CDH13: variants seen among roughly 807,000 people sequenced by gnomAD.
The protein encoded by CDH13 is cadherin 13, also known as cadherin-13.
Under a neutral mutation model 63.8 loss-of-function variants are expected in CDH13, and 24 were observed. The observed-to-expected ratio is 0.38, with a 90% confidence interval of 0.27 to 0.53. CDH13 has a LOEUF of 0.53. CDH13 is among the 20% of genes least tolerant of loss of function. CDH13 has a pLI of 0.85. For missense variants in CDH13, 1,049 were observed against 903.1 expected, an observed-to-expected ratio of 1.16 and a Z score of -2.07; for synonymous variants, 503 against 355.3, an observed-to-expected ratio of 1.42 and a Z score of -4.67.
intron 8 of CDH13, among the ~76,000 whole-genome samples, chr16:83,636,867 A>G (rs774626587): frequency 6.6e-6 from 1 of 152,196 alleles, no homozygotes; most frequent in African/African-American, 2.4e-5. Context: ...ACTAATCTAC[A>G]TTCCCACCAG....
At chr16:83,470,058 C>T (rs920639075) in intron 6 of CDH13, among the ~76,000 whole-genome samples, 3 of 152,158 alleles carry the variant, frequency 2.0e-5, no homozygotes, top group Admixed American at 6.5e-5. Context: ...ACAAGATATC[C>T]TGCTTCAGAT....
At chr16:83,608,268 A>C (rs1178155260) in intron 8 of CDH13, among the ~76,000 whole-genome samples, 1 of 152,224 alleles carries the variant, frequency 6.6e-6, no homozygotes, top group Non-Finnish European at 1.5e-5. Flanking sequence ...CTCCAGCTGG[A>C]AAATGAGAGA....
chr16:83,331,379 A>G (rs1001175711), intron 5 of CDH13, among the ~76,000 whole-genome samples: 2 of 152,228 alleles, frequency 1.3e-5, no homozygotes, highest in Non-Finnish European at 2.9e-5. Context: ...CACACTCTGT[A>G]TGGTACTATA....
At chr16:82,839,065 A>G (rs1288732187) in intron 1 of CDH13, among the ~76,000 whole-genome samples, 2 of 152,356 alleles carry the variant, frequency 1.3e-5, no homozygotes, top group Admixed American at 1.3e-4. Flanking sequence ...TATTTACAAA[A>G]ACTGACAATA....
intron 2 of CDH13, among the ~76,000 whole-genome samples, chr16:82,896,138 C>T (rs906838839): frequency 1.3e-5 from 2 of 152,066 alleles, no homozygotes; most frequent in African/African-American, 2.4e-5. Flanking sequence ...TTACCTGTTT[C>T]CCTGTAGAAG....
At chr16:83,461,770 G>C (rs571214887) in intron 6 of CDH13, among the ~76,000 whole-genome samples, 1 of 152,318 alleles carries the variant, frequency 6.6e-6, no homozygotes, top group Admixed American at 6.5e-5. Context: ...TAAAAGATCA[G>C]CTTGTAAGTT....
intron 7 of CDH13, among the ~76,000 whole-genome samples, chr16:83,514,213 C>G (rs771353116): frequency 1.3e-5 from 2 of 152,204 alleles, no homozygotes; most frequent in African/African-American, 4.8e-5. Flanking sequence ...ACTTTCTGTA[C>G]TAGGTTGACT....
At chr16:83,147,983 G>A (rs1396788637) in intron 4 of CDH13, among the ~76,000 whole-genome samples, 1 of 152,120 alleles carries the variant, frequency 6.6e-6, no homozygotes, top group Non-Finnish European at 1.5e-5. Flanking sequence ...GCCCAGGCTG[G>A]AGTACAGTGG....
chr16:83,649,415 G>A (rs56276031), intron 8 of CDH13, among the ~76,000 whole-genome samples: 2 of 152,068 alleles, frequency 1.3e-5, no homozygotes, highest in Non-Finnish European at 2.9e-5. Flanking sequence ...GAGGAAATAC[G>A]GGCCCCTCTT....
At chr16:83,242,019 A>G (rs1239222078) in intron 5 of CDH13, among the ~76,000 whole-genome samples, 3 of 152,128 alleles carry the variant, frequency 2.0e-5, no homozygotes, top group African/African-American at 7.2e-5. Context: ...TGTATACGGC[A>G]TGAGGTAAGG....
rs149755194 is a variant in CDH13 at position 83,679,937 on chromosome 16, T to C, written c.1538+1476T>C. Among the ~76,000 whole-genome samples, 1,465 of 152,162 alleles carry C rather than the reference T, an allele frequency of 9.6e-3. 12 individuals are homozygous for C. Among genetic ancestry groups the C allele is most frequent in the Non-Finnish European group, 0.015 (1,011 of 68,000 alleles). ...AGCTAATGCAATGGGTAGGGGTGGATGGAGGTGTCTGGGACCCAGGACTAG... is the reference window on the plus strand; with the variant it reads ...AGCTAATGCAATGGGTAGGGGTGGACGGAGGTGTCTGGGACCCAGGACTAG... On this transcript the variant is annotated intron_variant, in intron 10 of 13. Transcript: ENST00000567109.
At chr16:83,375,419 T>C (rs1597863369) in intron 6 of CDH13, among the ~76,000 whole-genome samples, 1 of 152,262 alleles carries the variant, frequency 6.6e-6, no homozygotes, top group East Asian at 1.9e-4. Context: ...AATCAAATAT[T>C]TGTAGATTAA....
intron 1 of CDH13, among the ~76,000 whole-genome samples, chr16:82,744,396 G>A (rs62034480): frequency 0.24 from 36,055 of 151,322 alleles, 5,210 homozygotes; most frequent in South Asian, 0.37. Flanking sequence ...CTATCTGTGG[G>A]TAGCAGTAGC....
At position 83,686,507 on chromosome 16, in the gene CDH13, C is replaced by T. The variant is rs528521779; in HGVS notation, c.1538+8046C>T. 5.3e-5 allele frequency among the ~76,000 whole-genome samples: 8 copies of T among 152,294 alleles called. No individual in the cohort carries two copies. In the South Asian group the frequency reaches 6.2e-4, roughly 12 times the overall value. On this transcript the variant is annotated intron_variant, in intron 10 of 13. Coordinates refer to ENST00000567109, the MANE Select transcript of CDH13 (RefSeq NM_001257.5). ...GAAATTAATAAATATCAACTGCCCA[C>T]GGCATCATGACAACTTTAGCAGGCT... is the stretch of plus-strand genomic sequence containing the variant.
At chr16:82,947,046 G>GTGTGTGTGTGTGTGTGTA (rs376101509) in intron 2 of CDH13, among the ~76,000 whole-genome samples, 3 of 149,666 alleles carry the variant, frequency 2.0e-5, no homozygotes, top group Non-Finnish European at 3.0e-5. Flanking sequence ...GTGTGTGTGT[G>GTGTGTGTGTGTGTGTGTA]TGATGTTGTA....
At chr16:83,541,319 G>T (rs934358779) in intron 7 of CDH13, among the ~76,000 whole-genome samples, 1 of 152,138 alleles carries the variant, frequency 6.6e-6, no homozygotes, top group Non-Finnish European at 1.5e-5. Context: ...GAGAAGCTAT[G>T]GAAATATGAT....
At chr16:82,961,019 C>A (rs1221203630) in intron 2 of CDH13, among the ~76,000 whole-genome samples, 3 of 152,174 alleles carry the variant, frequency 2.0e-5, no homozygotes, top group African/African-American at 7.2e-5. Flanking sequence ...CTCCTGTGAG[C>A]TACAGTTGAG....
At chr16:82,705,325 T>G (rs557844778) in intron 1 of CDH13, 40 of 358,890 alleles carry the variant, frequency 1.1e-4, no homozygotes, top group Non-Finnish European at 2.2e-4. Context: ...TCTCCTTCTC[T>G]CCAGCAAGGG....
chr16:83,215,336 C>G (rs1437755717), intron 4 of CDH13, among the ~76,000 whole-genome samples: 3 of 151,928 alleles, frequency 2.0e-5, no homozygotes, highest in Non-Finnish European at 4.4e-5. Flanking sequence ...ACCTTGGCCT[C>G]TCAAAGTGCT....
Sources: allele counts gnomAD v4.1 joint callset (sites outside exome capture counted in the v4.1 genomes callset), GRCh38; gene constraint gnomAD v4.1.1; transcripts MANE v1.5; gene names NCBI Gene and HGNC (gene_info 2026-07-23, HGNC 2026-07-21).